Variants in ZSWIM6 observed in about 807,000 individuals in gnomAD.
The protein encoded by ZSWIM6 is zinc finger SWIM domain-containing protein 6.
In ZSWIM6, 9 loss-of-function variants were observed where a neutral mutation model predicts 113.2. The ratio of observed to expected loss-of-function variants is 0.08; its 90% CI spans 0.05 to 0.14. ZSWIM6 has a LOEUF of 0.14. ZSWIM6 is among the 10% of genes least tolerant of loss of function. ZSWIM6 has a pLI of 1.00. For synonymous variants in ZSWIM6, 611 were observed against 606.5 expected (o/e 1.01, Z -0.11); for missense variants, 1,162 against 1,552.2 (o/e 0.75, Z 4.22).
intron 1 of ZSWIM6, chr5:61,375,018 A>G: frequency 1.8e-6 from 2 of 1,126,862 alleles, no homozygotes; most frequent in Non-Finnish European, 2.6e-6. Context: ...AAAGAAGAGT[A>G]ATGAGAGGTG....
chr5:61,391,888 GCCGGT>G, intron 1 of ZSWIM6: 1 of 610,622 alleles, frequency 1.6e-6, no homozygotes, highest in African/African-American at 1.9e-5. Context: ...ATCAAATCCT[GCCGGT>G]AGAGCAAAAA....
At chr5:61,396,095 G>C (rs1745832198) in intron 1 of ZSWIM6, among the ~76,000 whole-genome samples, 1 of 152,168 alleles carries the variant, frequency 6.6e-6, no homozygotes, top group Admixed American at 6.5e-5. Flanking sequence ...GAACCAGAAG[G>C]CTGGGTTTAG....
At chr5:61,431,474 A>C (rs1746579681) in intron 1 of ZSWIM6, among the ~76,000 whole-genome samples, 1 of 149,362 alleles carries the variant, frequency 6.7e-6, no homozygotes. Flanking sequence ...GGCTGGGCGC[A>C]GTAGCTCACC....
At chr5:61,507,387 T>A (rs1056687588) in intron 4 of ZSWIM6, among the ~76,000 whole-genome samples, 6 of 152,170 alleles carry the variant, frequency 3.9e-5, no homozygotes, top group Non-Finnish European at 7.3e-5. Context: ...GAACAGCTGA[T>A]GTATTCAGTC....
At chr5:61,354,157 A>G (rs1339737700) in intron 1 of ZSWIM6, among the ~76,000 whole-genome samples, 3 of 152,238 alleles carry the variant, frequency 2.0e-5, no homozygotes, top group Non-Finnish European at 2.9e-5. Context: ...TCCTGCTGCC[A>G]TCGTACTTAT....
At chr5:61,393,405 A>G (rs561538156) in intron 1 of ZSWIM6, among the ~76,000 whole-genome samples, 6 of 152,234 alleles carry the variant, frequency 3.9e-5, no homozygotes, top group Non-Finnish European at 8.8e-5. Context: ...TCTACAATAA[A>G]CATTATTGGT....
intron 1 of ZSWIM6, among the ~76,000 whole-genome samples, chr5:61,414,712 A>G (rs996103379): frequency 7.2e-5 from 11 of 152,074 alleles, no homozygotes; most frequent in African/African-American, 2.7e-4. Context: ...GCATGAGAGA[A>G]CTCTGCTGTG....
chr5:61,342,051 T>C (rs191040702), intron 1 of ZSWIM6, among the ~76,000 whole-genome samples: 1 of 152,176 alleles, frequency 6.6e-6, no homozygotes, highest in African/African-American at 2.4e-5. Context: ...GGCTAACTTT[T>C]GTATTTTTAG....
intron 1 of ZSWIM6, among the ~76,000 whole-genome samples, chr5:61,333,860 C>A (rs904085160): frequency 1.3e-5 from 2 of 152,076 alleles, no homozygotes; most frequent in Admixed American, 1.3e-4. Flanking sequence ...GTGCCCCGGG[C>A]GAGCCGCGGT....
chr5:61,363,811 G>A (rs1745080648), intron 1 of ZSWIM6, among the ~76,000 whole-genome samples: 2 of 151,826 alleles, frequency 1.3e-5, no homozygotes, highest in African/African-American at 4.8e-5. Flanking sequence ...AGTCTCTGTA[G>A]GATAGTTTGT....
intron 1 of ZSWIM6, among the ~76,000 whole-genome samples, chr5:61,425,943 TG>T (rs1166872740): frequency 2.6e-5 from 4 of 152,246 alleles, no homozygotes; most frequent in Admixed American, 2.6e-4. Context: ...GGCAGATAAC[TG>T]GATTTCTTAA....
chr5:61,366,309 C>A (rs1396765398), intron 1 of ZSWIM6, among the ~76,000 whole-genome samples: 3 of 152,174 alleles, frequency 2.0e-5, no homozygotes, highest in Non-Finnish European at 2.9e-5. Context: ...CTCTCTTTGT[C>A]CTGTATATTT....
At chr5:61,471,655 C>T (rs1342577070) in intron 1 of ZSWIM6, among the ~76,000 whole-genome samples, 2 of 152,192 alleles carry the variant, frequency 1.3e-5, no homozygotes, top group Non-Finnish European at 2.9e-5. Context: ...AGCACAAACC[C>T]TATTTGGAAT....
At chr5:61,422,971 T>A (rs766395273) in intron 1 of ZSWIM6, among the ~76,000 whole-genome samples, 4 of 152,208 alleles carry the variant, frequency 2.6e-5, no homozygotes, top group Non-Finnish European at 4.4e-5. Context: ...TTTAGATTTT[T>A]CCAAATATAA....
chr5:61,357,989 T>G (rs1252176160), intron 1 of ZSWIM6, among the ~76,000 whole-genome samples: 8 of 152,210 alleles, frequency 5.3e-5, no homozygotes, highest in Non-Finnish European at 7.3e-5. Flanking sequence ...GAAAGTTGCC[T>G]CCTCAATTTT....
intron 7 of ZSWIM6, 124 bp from the exon 8 acceptor site, chr5:61,529,928 G>A (rs898182740): frequency 9.8e-6 from 8 of 817,122 alleles, no homozygotes; most frequent in Admixed American, 3.3e-5. Context: ...AGAGAATTTC[G>A]AACAGAATTC....
intron 1 of ZSWIM6, among the ~76,000 whole-genome samples, chr5:61,442,864 C>T (rs1746869709): frequency 6.6e-6 from 1 of 152,206 alleles, no homozygotes. Context: ...GTATACTCTA[C>T]TCCATTGTTT....
intron 4 of ZSWIM6, among the ~76,000 whole-genome samples, chr5:61,506,829 T>C (rs1414690465): frequency 1.3e-5 from 2 of 152,296 alleles, no homozygotes; most frequent in East Asian, 1.9e-4. Flanking sequence ...TAGACTCTTA[T>C]AATAGCCTCT....
rs193297656 is a variant in ZSWIM6, at chr5:61,535,578, C to T, written c.2340C>T (p.His780=). Residue 780 remains histidine, a synonymous_variant, in exon 10 of 14, where the codon CAC becomes CAT. Transcript: ENST00000252744. ...AKYLFTSLLP[H]DAELAYKIAL... is the part of the protein sequence containing the mutation. ...ATCTCTTCACCTCTCTCCTACCTCA[C>T]GATGCTGAATTGGCATACAAAATTG... is the stretch of plus-strand genomic sequence containing the variant. 21 of 1,551,334 alleles carry T rather than the reference C, an allele frequency of 1.4e-5. No homozygotes were observed. The highest frequency in any genetic ancestry group is 1.2e-4 in the Admixed American group (6 of 50,988).
Sources: gnomAD v4.1 joint callset for allele counts (sites outside exome capture counted in the v4.1 genomes callset) on GRCh38, gnomAD v4.1.1 for gene constraint, MANE v1.5 for transcripts, NCBI Gene and HGNC (gene_info 2026-07-23, HGNC 2026-07-21) for gene names.